The following EYS variants were observed in gnomAD, a reference collection of about 807,000 sequenced individuals.
EYS encodes EGF-like photoreceptor maintenance factor, also known as protein eyes shut homolog.
Under a neutral mutation model 282.1 loss-of-function variants are expected in EYS, and 250 were observed. The ratio of observed to expected loss-of-function variants is 0.89; its 90% CI spans 0.80 to 0.98. The LOEUF (loss-of-function observed/expected upper bound fraction) is 0.98, where lower values mean the gene tolerates loss of function less well. EYS is among the 50% of genes least tolerant of loss of function. The pLI, the probability that EYS is intolerant of heterozygous loss-of-function variation, is 0.00. For missense variants in EYS, 4,016 were observed against 3,709.0 expected, an observed-to-expected ratio of 1.08 and a Z score of -2.15; for synonymous variants, 1,355 against 1,282.9, an observed-to-expected ratio of 1.06 and a Z score of -1.20.
intron 36 of EYS, chr6:63,822,719 C>T (rs767953502): frequency 2.7e-4 from 41 of 152,278 alleles, no homozygotes; most frequent in Non-Finnish European, 5.0e-4. Context: ...ATCTTCTTTT[C>T]TACTATGAGT....
chr6:64,690,650 A>G (rs1770345164), intron 22 of EYS, among the ~76,000 whole-genome samples: 1 of 152,226 alleles, frequency 6.6e-6, no homozygotes, highest in African/African-American at 2.4e-5. Context: ...CTATGCAGCC[A>G]TAAAAAGGAT....
chr6:65,413,655 C>T (rs939425163), intron 5 of EYS, among the ~76,000 whole-genome samples: 6 of 151,846 alleles, frequency 4.0e-5, no homozygotes, highest in African/African-American at 4.8e-5. Flanking sequence ...GTCAGGAGTT[C>T]GAGACCAGCC....
chr6:64,885,167 C>A (rs532220149), intron 19 of EYS, among the ~76,000 whole-genome samples: 5 of 151,630 alleles, frequency 3.3e-5, no homozygotes, highest in African/African-American at 4.8e-5. Flanking sequence ...AAAATGAACC[C>A]TATCTATTAA....
chr6:64,154,960 T>C (rs1221057245), intron 31 of EYS, among the ~76,000 whole-genome samples: 1 of 152,132 alleles, frequency 6.6e-6, no homozygotes, highest in Non-Finnish European at 1.5e-5. Context: ...TATTTTGAGG[T>C]CCTGAGGGAT....
chr6:64,755,039 ACCCTAAAGATTACT>A (rs1772888659), intron 22 of EYS, among the ~76,000 whole-genome samples: 1 of 152,172 alleles, frequency 6.6e-6, no homozygotes, highest in South Asian at 2.1e-4. Flanking sequence ...TACCTAGGAA[ACCCTAAAGATTACT>A]CCCGAAGACT....
chr6:64,390,041 C>T (rs1478645157), intron 28 of EYS, among the ~76,000 whole-genome samples: 2 of 151,204 alleles, frequency 1.3e-5, no homozygotes, highest in African/African-American at 4.9e-5. Flanking sequence ...GGGTCACTCC[C>T]ACCCGAATAC....
chr6:65,188,764 CA>C (rs777137794), intron 12 of EYS, among the ~76,000 whole-genome samples: 328 of 78,732 alleles, frequency 4.2e-3, no homozygotes, highest in Middle Eastern at 0.021. Flanking sequence ...TTATTGCATG[CA>C]AAAAAAAAAA....
At chr6:64,450,036 G>GTT (rs1562001639) in intron 26 of EYS, among the ~76,000 whole-genome samples, 9 of 151,996 alleles carry the variant, frequency 5.9e-5, no homozygotes, top group African/African-American at 2.2e-4. Context: ...TGGGATAAAT[G>GTT]CTCCAATTAA....
At chr6:63,826,617 C>A (rs563812980) in intron 36 of EYS, among the ~76,000 whole-genome samples, 1 of 152,054 alleles carries the variant, frequency 6.6e-6, no homozygotes, top group Non-Finnish European at 1.5e-5. Context: ...CAATTATCAG[C>A]GAAGAATTTT....
At chr6:65,329,439 A>G in intron 11 of EYS, 1 of 941,862 alleles carries the variant, frequency 1.1e-6, no homozygotes, top group Non-Finnish European at 1.3e-6. Context: ...AGAGCATAAT[A>G]AAGAGAGAAA....
At chr6:64,253,389 T>A (rs1478641257) in intron 30 of EYS, among the ~76,000 whole-genome samples, 1 of 152,170 alleles carries the variant, frequency 6.6e-6, no homozygotes, top group Non-Finnish European at 1.5e-5. Context: ...ATGTAAGTGT[T>A]TGAAAGTCAC....
At chr6:64,831,317 G>A (rs941476258) in intron 19 of EYS, among the ~76,000 whole-genome samples, 56 of 151,778 alleles carry the variant, frequency 3.7e-4, no homozygotes, top group Non-Finnish European at 1.3e-4. Flanking sequence ...AAAAATATTG[G>A]CGGTATATAT....
At chr6:64,210,688 T>A (rs1765737611) in intron 31 of EYS, among the ~76,000 whole-genome samples, 1 of 152,134 alleles carries the variant, frequency 6.6e-6, no homozygotes, top group Non-Finnish European at 1.5e-5. Context: ...ATATTCTCAA[T>A]GGCGTCAATT....
intron 12 of EYS, among the ~76,000 whole-genome samples, chr6:65,232,103 TAC>T (rs1408886024): frequency 2.6e-5 from 4 of 152,044 alleles, no homozygotes; most frequent in African/African-American, 9.7e-5. Flanking sequence ...TTATATTATA[TAC>T]AGTTTCTTCA....
intron 12 of EYS, among the ~76,000 whole-genome samples, chr6:65,131,951 C>A (rs1300211194): frequency 6.6e-6 from 1 of 151,908 alleles, no homozygotes; most frequent in Middle Eastern, 3.4e-3. Context: ...TCTATGCACA[C>A]AAACTGGAAA....
intron 22 of EYS, among the ~76,000 whole-genome samples, chr6:64,695,011 G>A (rs988861201): frequency 2.0e-5 from 3 of 151,968 alleles, no homozygotes; most frequent in Non-Finnish European, 4.4e-5. Context: ...TCCCCATGCT[G>A]CATCTTTGGT....
intron 22 of EYS, among the ~76,000 whole-genome samples, chr6:64,746,957 T>A (rs1368378111): frequency 1.3e-5 from 2 of 152,236 alleles, no homozygotes; most frequent in South Asian, 2.1e-4. Context: ...GTACTCAGAT[T>A]TCTGGCTGCT....
intron 29 of EYS, among the ~76,000 whole-genome samples, chr6:64,345,461 T>C (rs2150399642): frequency 6.6e-6 from 1 of 152,292 alleles, no homozygotes; most frequent in Admixed American, 6.5e-5. Context: ...AAGGATTCCC[T>C]ATTTAATAAA....
chr6:65,616,855 T>C (rs1173702078), intron 2 of EYS, among the ~76,000 whole-genome samples: 1 of 152,118 alleles, frequency 6.6e-6, no homozygotes, highest in African/African-American at 2.4e-5. Context: ...GTATATATCT[T>C]AGTTCAATAT....
Sources: gnomAD v4.1 joint callset for allele counts (sites outside exome capture counted in the v4.1 genomes callset) on GRCh38, gnomAD v4.1.1 for gene constraint, MANE v1.5 for transcripts, NCBI Gene and HGNC (gene_info 2026-07-23, HGNC 2026-07-21) for gene names.